The following LRP1B variants were observed in gnomAD, a reference collection of about 807,000 sequenced individuals.
LRP1B encodes the protein LDL receptor related protein 1B.
LRP1B carries 217 observed loss-of-function variants against 556.6 expected under a neutral mutation model. The ratio of observed to expected loss-of-function variants is 0.39; its 90% CI spans 0.35 to 0.44. The LOEUF (loss-of-function observed/expected upper bound fraction) is 0.44, where lower values mean the gene tolerates loss of function less well. LRP1B is among the 20% of genes least tolerant of loss of function. LRP1B has a pLI of 1.00. For synonymous variants in LRP1B, 2,047 were observed against 1,865.8 expected, an observed-to-expected ratio of 1.10 and a Z score of -2.50; for missense variants, 5,053 against 5,620.8, an observed-to-expected ratio of 0.90 and a Z score of 3.23.
chr2:142,117,314 GGGGA>G (rs1354549868), intron 1 of LRP1B, among the ~76,000 whole-genome samples: 3 of 152,054 alleles, frequency 2.0e-5, no homozygotes, highest in Admixed American at 6.6e-5. Flanking sequence ...GTTTAGCAAG[GGGGA>G]GGAAGATGTG....
intron 2 of LRP1B, among the ~76,000 whole-genome samples, chr2:141,584,458 C>T (rs959476041): frequency 3.9e-5 from 6 of 151,924 alleles, no homozygotes; most frequent in East Asian, 1.9e-4. Flanking sequence ...TTTATGCAGA[C>T]GGAACACAGC....
chr2:142,063,053 G>T (rs1468069587), intron 1 of LRP1B, among the ~76,000 whole-genome samples: 1 of 75,214 alleles, frequency 1.3e-5, no homozygotes, highest in Non-Finnish European at 3.0e-5. Flanking sequence ...AGCATTACCT[G>T]ACCAAAAAAA....
At chr2:141,063,308 G>A (rs1366932348) in intron 7 of LRP1B, among the ~76,000 whole-genome samples, 1 of 151,674 alleles carries the variant, frequency 6.6e-6, no homozygotes, top group African/African-American at 2.4e-5. Flanking sequence ...ACAGTATGGG[G>A]TATCTTTAAA....
chr2:140,952,762 G>A (rs1422406006), intron 18 of LRP1B, among the ~76,000 whole-genome samples: 4 of 152,112 alleles, frequency 2.6e-5, no homozygotes, highest in Admixed American at 2.6e-4. Context: ...AAAAAGAGGG[G>A]TAACAGTAGT....
chr2:140,430,224 A>G (rs566899017), intron 66 of LRP1B, among the ~76,000 whole-genome samples: 1 of 152,092 alleles, frequency 6.6e-6, no homozygotes, highest in African/African-American at 2.4e-5. Context: ...GCCCCCATCC[A>G]CTACCTCTCA....
At chr2:141,826,358 T>A (rs1041748833) in intron 1 of LRP1B, among the ~76,000 whole-genome samples, 19 of 138,748 alleles carry the variant, frequency 1.4e-4, no homozygotes, top group African/African-American at 4.8e-4. Context: ...TCAGAAGTTT[T>A]TTTTTTTTTT....
chr2:140,404,530 A>T (rs1308845692), intron 66 of LRP1B, among the ~76,000 whole-genome samples: 1 of 152,160 alleles, frequency 6.6e-6, no homozygotes, highest in Non-Finnish European at 1.5e-5. Context: ...ACAATAAAAA[A>T]GTATCTAGGT....
At chr2:140,439,781 T>C (rs1474228666) in intron 66 of LRP1B, among the ~76,000 whole-genome samples, 1 of 152,030 alleles carries the variant, frequency 6.6e-6, no homozygotes, top group East Asian at 1.9e-4. Context: ...TTTCCATAGA[T>C]TGAATATTCG....
chr2:141,985,974 A>G (rs961369460), intron 1 of LRP1B, among the ~76,000 whole-genome samples: 12 of 151,980 alleles, frequency 7.9e-5, no homozygotes, highest in African/African-American at 2.9e-4. Context: ...TAGATATTTC[A>G]TTTCTTGTGT....
At chr2:140,504,077 A>G (rs1211963247) in intron 53 of LRP1B, among the ~76,000 whole-genome samples, 3 of 152,112 alleles carry the variant, frequency 2.0e-5, no homozygotes, top group Admixed American at 6.6e-5. Context: ...ATAAAAATCT[A>G]TACACCTCTT....
intron 6 of LRP1B, among the ~76,000 whole-genome samples, chr2:141,197,156 T>C (rs189121649): frequency 8.5e-5 from 13 of 152,270 alleles, no homozygotes; most frequent in Middle Eastern, 3.4e-3. Context: ...ATATCTTTAT[T>C]AGCAGGGTGA....
intron 43 of LRP1B, among the ~76,000 whole-genome samples, chr2:140,570,614 T>A (rs563123974): frequency 6.6e-6 from 1 of 151,790 alleles, no homozygotes; most frequent in South Asian, 2.1e-4. Flanking sequence ...CTAATATAAT[T>A]TTTTTCAAAC....
At chr2:141,656,077 C>G (rs555210452) in intron 2 of LRP1B, among the ~76,000 whole-genome samples, 1 of 152,172 alleles carries the variant, frequency 6.6e-6, no homozygotes, top group East Asian at 1.9e-4. Context: ...AACTGAGACA[C>G]AAAGTGGTTA....
intron 2 of LRP1B, among the ~76,000 whole-genome samples, chr2:141,567,290 A>C (rs1686367461): frequency 6.6e-6 from 1 of 152,188 alleles, no homozygotes; most frequent in Admixed American, 6.5e-5. Flanking sequence ...TTATCCAAGA[A>C]GAATTGCAAT....
At chr2:141,063,405 C>T (rs1285478688) in intron 7 of LRP1B, among the ~76,000 whole-genome samples, 2 of 151,798 alleles carry the variant, frequency 1.3e-5, no homozygotes, top group Non-Finnish European at 2.9e-5. Flanking sequence ...TTAGTGCATA[C>T]TATTTGTAAT....
Position 140,312,853 on chromosome 2 carries a change from G to A in LRP1B, c.12805+2082C>T, listed in dbSNP as rs187830465. Reference sequence around the variant, plus strand: ...TGTAAAATTTTAATTATGCCTCAACGATGTGTACTTTTAATTAGTGACATT... The same window carrying A: ...TGTAAAATTTTAATTATGCCTCAACAATGTGTACTTTTAATTAGTGACATT... On this transcript the variant is annotated intron_variant, in intron 83 of 90. Transcript: ENST00000389484. Among the ~76,000 whole-genome samples, 256 of 151,924 alleles carry A rather than the reference G, an allele frequency of 1.7e-3. 2 individuals carry two copies. The highest frequency in any genetic ancestry group is 2.3e-3 in the Non-Finnish European group (157 of 67,830).
At chr2:140,663,501 T>C (rs76931040) in intron 41 of LRP1B, among the ~76,000 whole-genome samples, 13,771 of 152,264 alleles carry the variant, frequency 0.09, 795 homozygotes, top group East Asian at 0.25. Context: ...AGACGGCTTC[T>C]GTTCTTAAAC....
Position 141,605,103 on chromosome 2 carries a change from C to T in LRP1B, c.206-124570G>A, listed in dbSNP as rs925489695. Among the ~76,000 whole-genome samples, 6 of 152,062 alleles carry T rather than the reference C, an allele frequency of 3.9e-5. No individual in the cohort carries two copies. In the South Asian group the frequency reaches 1.2e-3, roughly 32 times the overall value. ...GGCAAAGTGACCAAGAAAAATCCTG[C>T]GTCACTATGGAGCACATTCGATTTG... On this transcript the variant is annotated intron_variant, in intron 2 of 90. Coordinates refer to ENST00000389484, the MANE Select transcript of LRP1B (RefSeq NM_018557.3).
chr2:142,064,268 T>C (rs1192126186), intron 1 of LRP1B, among the ~76,000 whole-genome samples: 1 of 151,544 alleles, frequency 6.6e-6, no homozygotes, highest in Non-Finnish European at 1.5e-5. Context: ...TGATTAATAT[T>C]GCAACTCTCC....
Sources: allele counts gnomAD v4.1 joint callset (sites outside exome capture counted in the v4.1 genomes callset), GRCh38; gene constraint gnomAD v4.1.1; transcripts MANE v1.5; gene names NCBI Gene and HGNC (gene_info 2026-07-23, HGNC 2026-07-21).